CREB5: variants seen among roughly 807,000 people sequenced by gnomAD.
CREB5 encodes cAMP responsive element binding protein 5, also known as cyclic AMP-responsive element-binding protein 5.
A neutral mutation model predicts 57.1 loss-of-function variants in CREB5; 19 were observed. The observed-to-expected ratio is 0.33, with a 90% CI of 0.23 to 0.49. The LOEUF (loss-of-function observed/expected upper bound fraction) is 0.49, where lower values mean the gene tolerates loss of function less well. Among genes scored for constraint, CREB5 ranks in the 20% least tolerant of loss-of-function variants. The pLI is 0.99. For synonymous variants in CREB5, 238 were observed against 238.3 expected (o/e 1.00, Z 0.01); for missense variants, 579 against 671.6 (o/e 0.86, Z 1.52).
chr7:28,817,871 T>G (rs774069416), intron 9 of CREB5, among the ~76,000 whole-genome samples, 200 bp from the exon 10 acceptor site: 22 of 152,138 alleles, frequency 1.4e-4, no homozygotes, highest in East Asian at 3.8e-4. Flanking sequence ...AAACCTAAGC[T>G]CTGCAGAAAG....
chr7:28,511,545 TGCA>T (rs1396121801), intron 4 of CREB5, among the ~76,000 whole-genome samples: 1 of 152,146 alleles, frequency 6.6e-6, no homozygotes, highest in Non-Finnish European at 1.5e-5. Context: ...AGCGCAGTGG[TGCA>T]ATCTCAGCTC....
At chr7:28,474,615 A>G (rs1325276511) in intron 1 of CREB5, among the ~76,000 whole-genome samples, 1 of 152,168 alleles carries the variant, frequency 6.6e-6, no homozygotes, top group Non-Finnish European at 1.5e-5. Flanking sequence ...TAACGATCAT[A>G]CTACTACTTA....
chr7:28,345,647 G>A (rs1173806476), intron 1 of CREB5, among the ~76,000 whole-genome samples: 1 of 152,214 alleles, frequency 6.6e-6, no homozygotes, highest in Non-Finnish European at 1.5e-5. Context: ...CAAGGGGGCA[G>A]GAGTTAGCAA....
chr7:28,374,811 A>C (rs1786789079), intron 1 of CREB5, among the ~76,000 whole-genome samples: 1 of 152,206 alleles, frequency 6.6e-6, no homozygotes, highest in African/African-American at 2.4e-5. Flanking sequence ...CCCTTTGGGA[A>C]TATCCATCCC....
At chr7:28,643,055 A>G (rs1798743082) in intron 5 of CREB5, among the ~76,000 whole-genome samples, 1 of 149,394 alleles carries the variant, frequency 6.7e-6, no homozygotes, top group Non-Finnish European at 1.5e-5. Flanking sequence ...CTAGCCCCAA[A>G]CTTCTAAAGA....
intron 7 of CREB5, among the ~76,000 whole-genome samples, chr7:28,750,389 T>A (rs1389392013): frequency 6.6e-6 from 1 of 152,220 alleles, no homozygotes; most frequent in Non-Finnish European, 1.5e-5. Flanking sequence ...TAATCTTGCT[T>A]GTTTTTGAGC....
chr7:28,464,768 T>A (rs1790496878), intron 1 of CREB5, among the ~76,000 whole-genome samples: 2 of 152,082 alleles, frequency 1.3e-5, no homozygotes, highest in Admixed American at 1.3e-4. Context: ...GGCTCCTGAA[T>A]GACGCAGTTA....
At chr7:28,560,819 T>TGTGTGCGTGTGTGTGTGCGTGTGCGTGC (rs1562796977) in intron 4 of CREB5, among the ~76,000 whole-genome samples, 1 of 62,354 alleles carries the variant, frequency 1.6e-5, no homozygotes, top group African/African-American at 5.7e-5. Flanking sequence ...CGTGTGTGTG[T>TGTGTGCGTGTGTGTGTGCGTGTGCGTGC]GTGCGCGCGC....
At chr7:28,424,958 A>G (rs916341178) in intron 1 of CREB5, among the ~76,000 whole-genome samples, 65 of 152,368 alleles carry the variant, frequency 4.3e-4, no homozygotes, top group African/African-American at 1.4e-3. Context: ...CTCAGTTTAA[A>G]ATGGGCAAAG....
At chr7:28,384,310 A>G (rs1787033561) in intron 1 of CREB5, among the ~76,000 whole-genome samples, 1 of 152,226 alleles carries the variant, frequency 6.6e-6, no homozygotes, top group Non-Finnish European at 1.5e-5. Context: ...AAAAGGCAGC[A>G]AATTCGCATT....
At chr7:28,360,931 A>G (rs1786462868) in intron 1 of CREB5, among the ~76,000 whole-genome samples, 1 of 152,030 alleles carries the variant, frequency 6.6e-6, no homozygotes, top group Non-Finnish European at 1.5e-5. Context: ...GGCAATGTCT[A>G]CAGACATTTT....
intron 5 of CREB5, among the ~76,000 whole-genome samples, chr7:28,656,770 C>T (rs956712380): frequency 2.6e-5 from 4 of 152,138 alleles, no homozygotes; most frequent in African/African-American, 9.7e-5. Flanking sequence ...GATGTTTAGT[C>T]CAGGGCACTT....
chr7:28,620,727 G>A (rs1344312888), intron 5 of CREB5, among the ~76,000 whole-genome samples: 2 of 152,122 alleles, frequency 1.3e-5, no homozygotes, highest in African/African-American at 4.8e-5. Flanking sequence ...GCCACGAATT[G>A]ACCTGAATTC....
At chr7:28,677,501 T>C (rs1232905316) in intron 5 of CREB5, among the ~76,000 whole-genome samples, 1 of 152,208 alleles carries the variant, frequency 6.6e-6, no homozygotes, top group African/African-American at 2.4e-5. Context: ...ATTCATGTCT[T>C]CGTGCCTGCT....
chr7:28,513,140 C>A (rs994975980), intron 4 of CREB5, among the ~76,000 whole-genome samples: 1 of 152,234 alleles, frequency 6.6e-6, no homozygotes, highest in Admixed American at 6.5e-5. Flanking sequence ...GAAGGAGAGG[C>A]ACTTTGCCTT....
chr7:28,680,320 T>C (rs1354264356), intron 5 of CREB5, among the ~76,000 whole-genome samples: 1 of 152,160 alleles, frequency 6.6e-6, no homozygotes, highest in Non-Finnish European at 1.5e-5. Flanking sequence ...TGTCCACCTC[T>C]CCCAAGCATA....
rs573425498 is a variant in CREB5, at chr7:28,767,938, T to C, written c.703-36261T>C. On this transcript the variant is annotated intron_variant, in intron 7 of 10. Transcript: ENST00000357727. ...AAATATGATAAAGTTTAATTTCCAT[T>C]ATGAAAAGACAAAGATAAAATTTAA... Among the ~76,000 whole-genome samples the C allele has an allele frequency of 5.3e-5, 8 of 152,318 alleles. No individual in the cohort carries two copies. In the South Asian group the frequency reaches 1.7e-3, roughly 32 times the overall value.
intron 1 of CREB5, among the ~76,000 whole-genome samples, chr7:28,357,640 T>C (rs1583395169): frequency 6.6e-6 from 1 of 152,230 alleles, no homozygotes; most frequent in Non-Finnish European, 1.5e-5. Flanking sequence ...GCTTTAGAGA[T>C]GCGTGACTTC....
intron 4 of CREB5, among the ~76,000 whole-genome samples, chr7:28,526,949 G>C (rs557213473): frequency 6.6e-6 from 1 of 152,180 alleles, no homozygotes; most frequent in Non-Finnish European, 1.5e-5. Flanking sequence ...TCCTGTGACA[G>C]CAGGTGCTGG....
Sources: allele counts gnomAD v4.1 joint callset (sites outside exome capture counted in the v4.1 genomes callset), GRCh38; gene constraint gnomAD v4.1.1; transcripts MANE v1.5; gene names NCBI Gene and HGNC (gene_info 2026-07-23, HGNC 2026-07-21).